GET1: variants seen among roughly 807,000 people sequenced by gnomAD.
GET1 encodes the protein congenital heart disease 5 protein.
In GET1, 20 loss-of-function variants were observed where a neutral mutation model predicts 22.6. The ratio of observed to expected loss-of-function variants is 0.89; its 90% confidence interval spans 0.62 to 1.29. The LOEUF is 1.29. Among genes scored for constraint, GET1 ranks in the 50% most tolerant of loss-of-function variants. The pLI is 0.00. For missense variants in GET1, 209 were observed against 219.9 expected (o/e 0.95, Z 0.31); for synonymous variants, 92 against 83.8 (o/e 1.10, Z -0.53).
downstream of GET1, among the ~76,000 whole-genome samples, chr21:39,398,589 G>A (rs1485741523): frequency 6.7e-6 from 1 of 149,342 alleles, no homozygotes; most frequent in African/African-American, 2.5e-5. Context: ...TCACATTATT[G>A]TGTTTTTTTA....
Position 39,390,852 on chromosome 21 carries a change from T to G in GET1, c.257T>G (p.Leu86Arg). 1 of 1,614,042 alleles carries G rather than the reference T, an allele frequency of 6.2e-7. No homozygotes were observed. The highest frequency in any genetic ancestry group is 8.5e-7 in the Non-Finnish European group (1 of 1,179,998). ...AAGATCAACAAGATGACGGATAAGC[T>G]CAAAACCCATGGTACTGTGTCCCTT... Reference protein sequence around the residue: ...ERKINKMTDKLKTHVKARTAQ... With the variant: ...ERKINKMTDKRKTHVKARTAQ... Residue 86 changes from leucine to arginine, a missense_variant, in exon 2 of 5, where the codon CTC becomes CGC. By Grantham distance (102) the Leu-to-Arg change is moderately radical. Coordinates refer to ENST00000649170, the MANE Select transcript of GET1 (RefSeq NM_004627.6).
chr21:39,428,375 C>T lies in GET1; in HGVS notation c.*167C>T, dbSNP rs140283166. 153 of 1,613,330 alleles carry T rather than the reference C, an allele frequency of 9.5e-5. No individual in the cohort carries two copies. The African/African-American group carries it at 1.7e-3, about 17-fold the overall frequency. On this transcript the variant is annotated 3_prime_UTR_variant, in exon 2 of 2. Transcript: ENST00000478273. ...ACTCTTATTGGAAGCATTACTGTTCCGTGAAAAATCGCCTGTGCCTGGGCT... is the reference window on the plus strand; with the variant it reads ...ACTCTTATTGGAAGCATTACTGTTCTGTGAAAAATCGCCTGTGCCTGGGCT...
intron 1 of GET1, among the ~76,000 whole-genome samples, chr21:39,416,699 T>C (rs1438747281): frequency 1.3e-5 from 2 of 152,148 alleles, no homozygotes; most frequent in Admixed American, 1.3e-4. Flanking sequence ...CAGTTCTCAA[T>C]GACAACACCA....
downstream of GET1, chr21:39,410,175 A>C: frequency 3.2e-6 from 4 of 1,261,550 alleles, no homozygotes; most frequent in South Asian, 4.9e-5. Flanking sequence ...TAATGACTAC[A>C]AATACTTTTC....
intron 1 of GET1, among the ~76,000 whole-genome samples, chr21:39,388,645 T>A (rs1243199899): frequency 1.3e-5 from 2 of 152,218 alleles, no homozygotes; most frequent in African/African-American, 4.8e-5. Flanking sequence ...TTGGGGATGT[T>A]CGCTGATCCC....
At chr21:39,381,789 G>A (rs1314598534) in intron 1 of GET1, among the ~76,000 whole-genome samples, 1 of 152,214 alleles carries the variant, frequency 6.6e-6, no homozygotes, top group Non-Finnish European at 1.5e-5. Flanking sequence ...GTCTGGCTCT[G>A]TGCAGTGGTG....
At chr21:39,408,253 T>C (rs765924271), downstream of GET1, among the ~76,000 whole-genome samples, 3 of 152,150 alleles carry the variant, frequency 2.0e-5, no homozygotes, top group Admixed American at 6.5e-5. Context: ...ATTAATCAAG[T>C]GTAAGGGCAG....
chr21:39,381,081 C>T (rs2094874), intron 1 of GET1, among the ~76,000 whole-genome samples: 102,719 of 151,932 alleles, frequency 0.68, 35,023 homozygotes, highest in East Asian at 0.8. Context: ...ATTATCATCC[C>T]ACCCTCCTTT....
chr21:39,418,051 C>T (rs1286010524), intron 1 of GET1, among the ~76,000 whole-genome samples: 1 of 152,226 alleles, frequency 6.6e-6, no homozygotes, highest in Non-Finnish European at 1.5e-5. Flanking sequence ...CAGGCGTGAG[C>T]CACCGCGCCC....
intron 1 of GET1, chr21:39,386,640 T>A (rs557698145): frequency 6.6e-6 from 1 of 152,242 alleles, no homozygotes; most frequent in Non-Finnish European, 1.5e-5. Flanking sequence ...GTTTGCCTGC[T>A]CTACTGCTGG....
downstream of GET1, among the ~76,000 whole-genome samples, chr21:39,400,141 AC>A (rs2038804096): frequency 6.6e-6 from 1 of 152,102 alleles, no homozygotes; most frequent in African/African-American, 2.4e-5. Flanking sequence ...AGTTTTTCTT[AC>A]ACAGTGCATC....
chr21:39,422,002 T>A (rs1465553357), intron 1 of GET1: 1 of 152,144 alleles, frequency 6.6e-6, no homozygotes, highest in African/African-American at 2.4e-5. Flanking sequence ...ATGAATACAA[T>A]ATTACCTAAA....
chr21:39,410,002 T>G, downstream of GET1: 1 of 1,571,210 alleles, frequency 6.4e-7, no homozygotes, highest in South Asian at 1.1e-5. Context: ...CTTAGAATCC[T>G]CTTGCTTTGG....
chr21:39,387,717 C>T (rs571546120), intron 1 of GET1: 261 of 881,422 alleles, frequency 3.0e-4, no homozygotes, highest in Non-Finnish European at 3.4e-4. Context: ...TGCCTCATCA[C>T]GCAGGCGCTG....
rs142095062 is a variant in GET1, at chr21:39,387,487, A to G, written c.103-3211A>G. On this transcript the variant is annotated intron_variant, in intron 1 of 4. Coordinates refer to ENST00000649170, the MANE Select transcript of GET1 (RefSeq NM_004627.6). ...TGATTCATCTAAGAGAATTTGGCCC[A>G]TTCCTATTTCCTTCTCCAGAGTGGA... is the stretch of plus-strand genomic sequence containing the variant. Among the ~76,000 whole-genome samples the G allele has an allele frequency of 1.3e-3, 198 of 152,310 alleles. 2 individuals carry two copies. The East Asian group carries it at 0.036, about 28-fold the overall frequency.
At position 39,391,807 on chromosome 21, in the gene GET1, G is replaced by T. The variant is rs2038313659; in HGVS notation, c.307G>T (p.Val103Leu). The change falls in exon 3 of 5, where the codon GTG becomes TTG. Residue 103 changes from valine (V) to leucine (L), a missense_variant. Coordinates refer to ENST00000649170, the MANE Select transcript of GET1 (RefSeq NM_004627.6). ...AGCTCAATTAGCCAAGATAAAATGG[G>T]TGATAAGTGTCGCTTTCTACGTATT... is the stretch of plus-strand genomic sequence containing the variant. ...RTAQLAKIKW[V>L]ISVAFYVLQA... The T allele has an allele frequency of 5.6e-6, 9 of 1,614,032 alleles. No homozygotes were observed. The highest frequency in any genetic ancestry group is 6.8e-6 in the Non-Finnish European group (8 of 1,180,026).
intron 1 of GET1, among the ~76,000 whole-genome samples, chr21:39,419,832 T>C (rs1418187905): frequency 6.6e-6 from 1 of 152,188 alleles, no homozygotes; most frequent in Non-Finnish European, 1.5e-5. Flanking sequence ...ATCTAAATTG[T>C]TGGACATTTT....
chr21:39,428,156 AAATTT>A, intron 1 of GET1: 2 of 1,494,680 alleles, frequency 1.3e-6, no homozygotes, highest in Non-Finnish European at 1.8e-6. Context: ...CTTGCTTGGG[AAATTT>A]TACTCCTTAC....
At chr21:39,411,019 AAAG>A (rs1463663140), downstream of GET1, 22 of 445,352 alleles carry the variant, frequency 4.9e-5, no homozygotes, top group South Asian at 3.1e-4. Flanking sequence ...CTCTTGAAGA[AAAG>A]AAGACCTCAC....
Sources: allele counts gnomAD v4.1 joint callset (sites outside exome capture counted in the v4.1 genomes callset), GRCh38; gene constraint gnomAD v4.1.1; transcripts MANE v1.5; gene names NCBI Gene and HGNC (gene_info 2026-07-23, HGNC 2026-07-21).